The following STK10 variants were observed in gnomAD, a reference collection of about 807,000 sequenced individuals.
The protein encoded by STK10 is serine/threonine kinase 10.
STK10 carries 78 observed loss-of-function variants against 113.8 expected under a neutral mutation model. The observed-to-expected ratio is 0.69, with a 90% CI of 0.57 to 0.83. The LOEUF (loss-of-function observed/expected upper bound fraction) is 0.83. STK10 is among the 40% of genes least tolerant of loss of function. The pLI is 0.00. For missense variants in STK10, 1,109 were observed against 1,280.1 expected (o/e 0.87, Z 2.04); for synonymous variants, 465 against 494.7 (o/e 0.94, Z 0.80).
At position 172,107,786 on chromosome 5, in the gene STK10, G is replaced by A. The variant is rs201303206; in HGVS notation, c.587C>T (p.Pro196Leu). 50 of 1,614,026 alleles carry A rather than the reference G, an allele frequency of 3.1e-5. No individual in the cohort carries two copies. Among genetic ancestry groups the A allele is most frequent in the African/African-American group, 5.3e-5 (4 of 74,928 alleles). ...CAGAAGCTACACGACTCACCAGTAA[G>A]GCGTGCCGATGAAGGAATCTCGTTT... is the stretch of plus-strand genomic sequence containing the variant. ...LQKRDSFIGTPYWMAPEVVMC... is the reference protein window; with the variant it reads ...LQKRDSFIGTLYWMAPEVVMC... Residue 196 changes from proline (P) to leucine (L), a missense_variant, in exon 5 of 19, where the codon CCT (proline) becomes CTT (leucine). By Grantham distance (98) the Pro-to-Leu change is moderately conservative. Coordinates refer to ENST00000176763, the MANE Select transcript of STK10 (RefSeq NM_005990.4).
intron 9 of STK10, among the ~76,000 whole-genome samples, chr5:172,091,084 T>C (rs1161522501): frequency 1.3e-5 from 2 of 151,336 alleles, no homozygotes; most frequent in African/African-American, 4.9e-5. Flanking sequence ...ACTACTTGCC[T>C]CCCAGGGTGG....
intron 13 of STK10, among the ~76,000 whole-genome samples, chr5:172,063,839 A>G (rs1361502328): frequency 2.6e-5 from 4 of 152,350 alleles, no homozygotes; most frequent in African/African-American, 9.6e-5. Flanking sequence ...GTAATATACA[A>G]AGCATTTCTA....
chr5:172,128,195 T>G (rs1273231101), intron 2 of STK10, among the ~76,000 whole-genome samples: 1 of 99,282 alleles, frequency 1.0e-5, no homozygotes, highest in Non-Finnish European at 1.8e-5. Flanking sequence ...GCCTGGGCAA[T>G]AGAGCAATAG....
At position 172,090,317 on chromosome 5, in the gene STK10, C is replaced by T. The variant is rs1250744931; in HGVS notation, c.1600G>A (p.Val534Met). Reference protein sequence around the residue: ...KKTLKRTRKFVVDGVEVSITT... With the variant: ...KKTLKRTRKFMVDGVEVSITT... ...ATGCTCACCTCCACACCATCCACCACAAATTTGCGTGTCCGCTTGAGGGTT... is the reference window on the plus strand; with the variant it reads ...ATGCTCACCTCCACACCATCCACCATAAATTTGCGTGTCCGCTTGAGGGTT... Residue 534 changes from valine (V) to methionine (M), a missense_variant, in exon 10 of 19, where the codon GTG becomes ATG. Val to Met is a conservative substitution (Grantham distance 21). This residue lies in a region of STK10 where 885 missense variants were observed against 991.1 expected (regional missense o/e 0.89). Coordinates refer to ENST00000176763, the MANE Select transcript of STK10 (RefSeq NM_005990.4). 3.7e-6 allele frequency: 6 copies of T among 1,613,996 alleles called. No individual in the cohort carries two copies. The highest frequency in any genetic ancestry group is 4.2e-6 in the Non-Finnish European group (5 of 1,180,016).
intron 1 of STK10, among the ~76,000 whole-genome samples, chr5:172,158,836 C>A (rs1313303729): frequency 6.6e-6 from 1 of 152,014 alleles, no homozygotes; most frequent in African/African-American, 2.4e-5. Context: ...CCCAGAGTAG[C>A]TGAAATCATA....
intron 12 of STK10, among the ~76,000 whole-genome samples, chr5:172,073,772 C>CT (rs1213770142): frequency 1.1e-5 from 1 of 93,600 alleles, no homozygotes; most frequent in Non-Finnish European, 2.1e-5. Context: ...CATGGTGAAA[C>CT]CCCATCTCTA....
intron 18 of STK10, among the ~76,000 whole-genome samples, chr5:172,050,489 C>T (rs1382025662): frequency 2.0e-5 from 3 of 151,940 alleles, no homozygotes; most frequent in Non-Finnish European, 2.9e-5. Context: ...CCCAGGTAGT[C>T]GAAATGAGCC....
At chr5:172,180,861 T>C (rs1029392978) in intron 1 of STK10, among the ~76,000 whole-genome samples, 1 of 152,166 alleles carries the variant, frequency 6.6e-6, no homozygotes, top group African/African-American at 2.4e-5. Context: ...TTCATCAAGA[T>C]ACAGTTGGCT....
At chr5:172,160,534 A>G (rs150023508) in intron 1 of STK10, among the ~76,000 whole-genome samples, 1 of 152,020 alleles carries the variant, frequency 6.6e-6, no homozygotes, top group East Asian at 1.9e-4. Flanking sequence ...ACAGCAATCT[A>G]TTGCAAAGCA....
At chr5:172,128,301 G>A (rs1043038185) in intron 2 of STK10, among the ~76,000 whole-genome samples, 2 of 149,864 alleles carry the variant, frequency 1.3e-5, no homozygotes, top group Non-Finnish European at 3.0e-5. Flanking sequence ...GGCCCACTCC[G>A]GGCTCTTTGC....
At position 172,052,936 on chromosome 5, in the gene STK10, C is replaced by G; in HGVS notation, c.2759G>C (p.Arg920Pro). The G allele has an allele frequency of 6.2e-7, 1 of 1,613,944 alleles. No homozygotes were observed. Among genetic ancestry groups the G allele is most frequent in the East Asian group, 2.2e-5 (1 of 44,886 alleles). ...CAGCTCGGATAAAGTTACCTTCTTG[C>G]GCGGCCGAAGCTTGTCCCGCCATTC... The part of the protein sequence containing the change: ...LKEWRDKLRP[R>P]KKALEEDLNQ... Residue 920 changes from arginine (R) to proline (P), a missense_variant, in exon 18 of 19, where the codon CGC becomes CCC. Around this residue, in one of 5 missense-constraint regions of STK10, gnomAD observed 885 missense variants for 991.1 expected, o/e 0.89. Coordinates refer to ENST00000176763, the MANE Select transcript of STK10 (RefSeq NM_005990.4).
chr5:172,055,485 T>A, intron 16 of STK10, 103 bp downstream of exon 16: 1 of 1,180,276 alleles, frequency 8.5e-7, no homozygotes, highest in Non-Finnish European at 1.1e-6. Flanking sequence ...CCAGCCTGCA[T>A]CTTGTTTCAT....
At position 172,125,699 on chromosome 5, in the gene STK10, T is replaced by C. The variant is rs563534959; in HGVS notation, c.370+1674A>G. 9.5e-4 allele frequency among the ~76,000 whole-genome samples: 144 copies of C among 152,322 alleles called. 1 individual carries two copies. The highest frequency in any genetic ancestry group is 2.9e-3 in the African/African-American group (121 of 41,578). ...CACACCCAGCCAATCTGCTCATAATTGTTACAGCTGTACCACCATCTTTGG... is the reference window on the plus strand; with the variant it reads ...CACACCCAGCCAATCTGCTCATAATCGTTACAGCTGTACCACCATCTTTGG... On this transcript the variant is annotated intron_variant, in intron 3 of 18. Transcript: ENST00000176763.
intron 1 of STK10, among the ~76,000 whole-genome samples, chr5:172,179,826 C>G (rs1052545541): frequency 6.6e-6 from 1 of 152,190 alleles, no homozygotes; most frequent in African/African-American, 2.4e-5. Context: ...GAAACCCAAG[C>G]TTTCAAACTA....
At chr5:172,060,268 G>A (rs1024202043) in intron 14 of STK10, among the ~76,000 whole-genome samples, 3 of 152,238 alleles carry the variant, frequency 2.0e-5, no homozygotes, top group Admixed American at 6.5e-5. Flanking sequence ...TTAGCCAAGC[G>A]TGGTAGCACG....
At chr5:172,169,752 A>G (rs1414882274) in intron 1 of STK10, among the ~76,000 whole-genome samples, 1 of 152,098 alleles carries the variant, frequency 6.6e-6, no homozygotes, top group Non-Finnish European at 1.5e-5. Context: ...CAATAAAGTT[A>G]TTGTTACAGG....
intron 3 of STK10, among the ~76,000 whole-genome samples, chr5:172,121,710 CTAAATAAA>C (rs548605209): frequency 5.3e-5 from 8 of 151,722 alleles, no homozygotes; most frequent in South Asian, 4.2e-4. Context: ...AACTCTGTCT[CTAAATAAA>C]TAAATAAATA....
chr5:172,107,131 T>C (rs367561621), intron 5 of STK10: 1 of 277,430 alleles, frequency 3.6e-6, no homozygotes, highest in Non-Finnish European at 6.7e-6. Context: ...AAAAGGGGCG[T>C]GGAGGTGGGT....
At chr5:172,144,508 G>A (rs886278142) in intron 2 of STK10, among the ~76,000 whole-genome samples, 4 of 152,164 alleles carry the variant, frequency 2.6e-5, no homozygotes, top group Non-Finnish European at 5.9e-5. Flanking sequence ...TAGCATATCT[G>A]CAGCCAGCTG....
Sources: allele counts gnomAD v4.1 joint callset (sites outside exome capture counted in the v4.1 genomes callset), GRCh38; gene constraint gnomAD v4.1.1; regional missense constraint gnomAD v4.1.1; transcripts MANE v1.5; gene names NCBI Gene and HGNC (gene_info 2026-07-23, HGNC 2026-07-21).